ACTN1: variants seen among roughly 807,000 people sequenced by gnomAD.
The protein encoded by ACTN1 is actinin alpha 1.
A neutral mutation model predicts 119.6 loss-of-function variants in ACTN1; 30 were observed. That is an observed-to-expected ratio of 0.25 (90% CI 0.19 to 0.34). The LOEUF (loss-of-function observed/expected upper bound fraction) is 0.34, where lower values mean the gene tolerates loss of function less well. Ranked by LOEUF, ACTN1 falls within the 10% of genes least tolerant of loss-of-function variation. The pLI, the probability that ACTN1 is intolerant of heterozygous loss-of-function variation, is 1.00. For synonymous variants in ACTN1, 429 were observed against 472.6 expected, an observed-to-expected ratio of 0.91 and a Z score of 1.20; for missense variants, 764 against 1,223.4, an observed-to-expected ratio of 0.62 and a Z score of 5.60.
chr14:68,953,617 G>A (rs2036243256), intron 1 of ACTN1, among the ~76,000 whole-genome samples: 2 of 151,692 alleles, frequency 1.3e-5, no homozygotes, highest in African/African-American at 2.4e-5. Context: ...GGTGGCTCAC[G>A]CCTGTAATCC....
intron 1 of ACTN1, among the ~76,000 whole-genome samples, chr14:68,929,303 T>C (rs2140414266): frequency 6.6e-6 from 1 of 151,714 alleles, no homozygotes; most frequent in African/African-American, 2.4e-5. Context: ...GCTCCAGGGG[T>C]CCAGCAAGGA....
intron 1 of ACTN1, among the ~76,000 whole-genome samples, chr14:68,964,431 G>C (rs1318831916): frequency 6.6e-6 from 1 of 152,202 alleles, no homozygotes; most frequent in African/African-American, 2.4e-5. Context: ...GGAGAGAAGT[G>C]TATGGGGCCC....
At chr14:68,949,986 T>G (rs1385018682) in intron 1 of ACTN1, among the ~76,000 whole-genome samples, 1 of 152,174 alleles carries the variant, frequency 6.6e-6, no homozygotes, top group African/African-American at 2.4e-5. Context: ...GTTTCAGTTT[T>G]ACAAGATGAA....
At chr14:68,899,495 C>A (rs1036591575) in intron 8 of ACTN1, among the ~76,000 whole-genome samples, 2 of 150,574 alleles carry the variant, frequency 1.3e-5, no homozygotes, top group African/African-American at 4.9e-5. Context: ...CCATACACAC[C>A]TCACACCCAC....
chr14:68,897,704 C>T (rs2032982434), intron 8 of ACTN1, among the ~76,000 whole-genome samples: 1 of 152,224 alleles, frequency 6.6e-6, no homozygotes, highest in South Asian at 2.1e-4. Flanking sequence ...TGTCCACTGC[C>T]CAGTCTTTCC....
intron 1 of ACTN1, among the ~76,000 whole-genome samples, chr14:68,966,528 G>T (rs1187046469): frequency 6.6e-6 from 1 of 152,112 alleles, no homozygotes; most frequent in East Asian, 1.9e-4. Context: ...GTTCCTGGGG[G>T]ACAAGATAGG....
rs1424163158 is a variant in ACTN1 at position 68,882,557 on chromosome 14, C to T, written c.1854G>A (p.Leu618=). 1 of 1,614,066 alleles carries T rather than the reference C, an allele frequency of 6.2e-7. No homozygotes were observed. The highest frequency in any genetic ancestry group is 1.3e-5 in the African/African-American group (1 of 74,940). ...GCTGCTGTCGGGCATGCTCCTCCGT[C>T]AGAGCTTGGTCCCTCCGAGGCACCA... ...RQLVPRRDQA[L]TEEHARQQHN... The change falls in exon 16 of 22, where the codon CTG becomes CTA. Residue 618 remains leucine (L), a synonymous_variant. Transcript: ENST00000394419. This position sits in a 1 kb window ranked among gnomAD's most constrained non-coding sequence, Gnocchi z 4.5.
intron 1 of ACTN1, among the ~76,000 whole-genome samples, chr14:68,954,782 T>C (rs895943787): frequency 2.6e-5 from 4 of 152,234 alleles, no homozygotes; most frequent in African/African-American, 7.2e-5. Context: ...GCTGTGCCAA[T>C]GTGCAACACC....
At chr14:68,890,966 G>C (rs940062022) in intron 10 of ACTN1, among the ~76,000 whole-genome samples, 11 of 152,208 alleles carry the variant, frequency 7.2e-5, no homozygotes, top group Admixed American at 2.0e-4. Flanking sequence ...CCCCCAGAAA[G>C]GGTACTTTGT....
Position 68,874,884 on chromosome 14 carries a change from G to A in ACTN1, c.2720C>T (p.Ala907Val), listed in dbSNP as rs764889893. 1.2e-6 allele frequency: 2 copies of A among 1,601,856 alleles called. No homozygotes were observed. Among genetic ancestry groups the A allele is most frequent in the Admixed American group, 1.7e-5 (1 of 59,778 alleles). ...TTAGAGGTCACTCTCGCCGTACAGC[G>A]CCGTGGAGAAGGACATGTAGTCCAG... Reference protein sequence around the residue: ...GALDYMSFSTALYGESDL With the variant: ...GALDYMSFSTVLYGESDL The change falls in exon 22 of 22, where the codon GCG (alanine) becomes GTG (valine). Residue 907 changes from alanine (A) to valine (V), a missense_variant. Ala to Val is a moderately conservative substitution (Grantham distance 64, BLOSUM62 0). Coordinates refer to ENST00000394419, the MANE Select transcript of ACTN1 (RefSeq NM_001130004.2).
chr14:68,915,862 A>G (rs1205596448), intron 3 of ACTN1, among the ~76,000 whole-genome samples: 1 of 152,170 alleles, frequency 6.6e-6, no homozygotes, highest in Non-Finnish European at 1.5e-5. Flanking sequence ...ACTAAAACAG[A>G]AATTAGGCAG....
chr14:68,907,782 G>A (rs886897829), intron 6 of ACTN1, among the ~76,000 whole-genome samples: 6 of 152,150 alleles, frequency 3.9e-5, no homozygotes, highest in Admixed American at 6.6e-5. Flanking sequence ...AGCCACGGTC[G>A]GCACAGACCC....
At position 68,912,342 on chromosome 14, in the gene ACTN1, CAA is replaced by C. The variant is rs2034056472; in HGVS notation, c.341-102_341-101del. The C allele has an allele frequency of 2.6e-5, 24 of 907,448 alleles. 1 individual carries two copies. In the South Asian group the frequency reaches 3.4e-4, roughly 13 times the overall value. 56.2% of individuals were successfully genotyped at this position (907,448 alleles called of 1,614,324 possible). On this transcript the variant is annotated intron_variant, in intron 3 of 21. Coordinates refer to ENST00000394419, the MANE Select transcript of ACTN1 (RefSeq NM_001130004.2). ...GCACTCCATGCCCCACGCTAGGAATCAAAAGACTCCAGAGCTCTACTTCTAGA... is the reference window on the plus strand; with the variant it reads ...GCACTCCATGCCCCACGCTAGGAATCAAGACTCCAGAGCTCTACTTCTAGA...
rs765298224 is a variant in ACTN1, at chr14:68,885,611, T to C, written c.1235-36A>G. On this transcript the variant is annotated intron_variant, in intron 11 of 21. Transcript: ENST00000394419. The surrounding 1 kb of genome is among the most constrained non-coding windows in gnomAD (Gnocchi z 5.6). ...AGAGGGCCACATGGCTGAGCTGGAG[T>C]GAGAAGCATCTCCTTGGTCCCAACC... is the stretch of plus-strand genomic sequence containing the variant. The C allele has an allele frequency of 6.2e-7, 1 of 1,603,274 alleles. No homozygotes were observed. Among genetic ancestry groups the C allele is most frequent in the South Asian group, 1.1e-5 (1 of 90,776 alleles).
At chr14:68,970,419 G>C (rs557347634) in intron 1 of ACTN1, among the ~76,000 whole-genome samples, 1 of 152,174 alleles carries the variant, frequency 6.6e-6, no homozygotes, top group Non-Finnish European at 1.5e-5. Context: ...AACCTCAAAC[G>C]TTACGGGTTT....
chr14:68,917,424 G>C (rs573537177), intron 3 of ACTN1, among the ~76,000 whole-genome samples: 11 of 152,158 alleles, frequency 7.2e-5, no homozygotes, highest in Non-Finnish European at 1.2e-4. Context: ...GACTTTGGTG[G>C]GGGGTGAGGG....
intron 1 of ACTN1, among the ~76,000 whole-genome samples, chr14:68,950,353 G>T (rs73290660): frequency 6.7e-6 from 1 of 148,266 alleles, no homozygotes; most frequent in Non-Finnish European, 1.5e-5. Flanking sequence ...TGATGGTTAC[G>T]CAACAACATA....
At position 68,925,341 on chromosome 14, in the gene ACTN1, T is replaced by TA. The variant is rs68084694; in HGVS notation, c.220+216dup. 0.021 allele frequency among the ~76,000 whole-genome samples: 2,556 copies of TA among 123,808 alleles called. 49 individuals carry two copies. Among genetic ancestry groups the TA allele is most frequent in the African/African-American group, 0.03 (896 of 29,974 alleles). The allele number at this position is 123,808 out of a possible 152,430, so 81.2% of individuals were successfully genotyped here. On this transcript the variant is annotated intron_variant, in intron 2 of 21. Coordinates refer to ENST00000394419, the MANE Select transcript of ACTN1 (RefSeq NM_001130004.2). This position sits in a 1 kb window ranked among gnomAD's most constrained non-coding sequence, Gnocchi z 4.3. ...CCCTTTTTTTTTTTTTTTTTTTTTT[T>TA]AAAACAAACAAGGATGCTGAAACAA...
intron 1 of ACTN1, among the ~76,000 whole-genome samples, chr14:68,964,334 A>G (rs965697919): frequency 5.3e-5 from 8 of 152,068 alleles, no homozygotes; most frequent in African/African-American, 1.9e-4. Flanking sequence ...AGCCACCCCC[A>G]CCTCCACTGC....
Sources: gnomAD v4.1 joint callset for allele counts (sites outside exome capture counted in the v4.1 genomes callset) on GRCh38, gnomAD v4.1.1 for gene constraint, Gnocchi (gnomAD v3.1) non-coding constraint, MANE v1.5 for transcripts, NCBI Gene and HGNC (gene_info 2026-07-23, HGNC 2026-07-21) for gene names.